MAP6: variants seen among roughly 807,000 people sequenced by gnomAD.
The protein encoded by MAP6 is microtubule associated protein 6.
In MAP6, 26 loss-of-function variants were observed where a neutral mutation model predicts 42.4. The observed-to-expected ratio is 0.61, with a 90% CI of 0.45 to 0.85. The LOEUF is 0.85. Among genes scored for constraint, MAP6 ranks in the 40% least tolerant of loss-of-function variants. The pLI is 0.00. For synonymous variants in MAP6, 418 were observed against 443.8 expected, an observed-to-expected ratio of 0.94 and a Z score of 0.73; for missense variants, 966 against 1,099.0, an observed-to-expected ratio of 0.88 and a Z score of 1.71.
intron 3 of MAP6, among the ~76,000 whole-genome samples, chr11:75,590,328 G>A (rs1942455226): frequency 6.6e-6 from 1 of 152,200 alleles, no homozygotes; most frequent in Non-Finnish European, 1.5e-5. Context: ...AAAAAAGGGA[G>A]CTTAACTCCA....
rs974661498 is a variant in MAP6, at chr11:75,606,154, A to T, written c.1120-150T>A. ...CACAGTGCATAAGGTGTTCCCAAGG[A>T]CATTAGGGCATTCGGCATCTCCCGT... is the stretch of plus-strand genomic sequence containing the variant. On this transcript the variant is annotated intron_variant, in intron 2 of 3. Transcript: ENST00000304771. The T allele has an allele frequency of 4.4e-6, 4 of 905,618 alleles. No homozygotes were observed. The African/African-American group carries it at 6.7e-5, about 15-fold the overall frequency. 56.1% of individuals were successfully genotyped at this position (905,618 alleles called of 1,614,324 possible). A position where few individuals can be genotyped will look rare whatever the true frequency, so the allele number is the denominator to read the frequency against.
At chr11:75,657,052 G>T (rs1311916475) in intron 1 of MAP6, among the ~76,000 whole-genome samples, 2 of 151,510 alleles carry the variant, frequency 1.3e-5, no homozygotes, top group Non-Finnish European at 2.9e-5. Context: ...AAATATACTT[G>T]TATCTGGGAT....
intron 1 of MAP6, among the ~76,000 whole-genome samples, chr11:75,649,302 G>C (rs1943610705): frequency 1.3e-5 from 2 of 152,102 alleles, no homozygotes; most frequent in South Asian, 4.1e-4. Flanking sequence ...CAAAGTGACA[G>C]AATGATACAC....
At chr11:75,653,006 A>T (rs896160323) in intron 1 of MAP6, among the ~76,000 whole-genome samples, 1 of 151,986 alleles carries the variant, frequency 6.6e-6, no homozygotes, top group Admixed American at 6.6e-5. Context: ...TCTCCCACCC[A>T]TATTACATCC....
rs185477805 is a variant in MAP6, at chr11:75,618,914, G to A, written c.906-10592C>T. Among the ~76,000 whole-genome samples, 473 of 152,338 alleles carry A rather than the reference G, an allele frequency of 3.1e-3. 1 individual carries two copies. The highest frequency in any genetic ancestry group is 0.011 in the African/African-American group (444 of 41,570). ...CCCTCGGCCACTGCCCGATTCGTGA[G>A]CCTTCTCTGTTTCTGGGGCCTCCCC... On this transcript the variant is annotated intron_variant, in intron 1 of 3. Transcript: ENST00000304771.
At chr11:75,600,276 T>C (rs1477165924) in intron 3 of MAP6, among the ~76,000 whole-genome samples, 2 of 152,184 alleles carry the variant, frequency 1.3e-5, no homozygotes, top group Non-Finnish European at 2.9e-5. Flanking sequence ...ACACTAATGC[T>C]CCAGGAGGTT....
At chr11:75,622,397 A>C (rs1458401509) in intron 1 of MAP6, among the ~76,000 whole-genome samples, 1 of 152,222 alleles carries the variant, frequency 6.6e-6, no homozygotes, top group African/African-American at 2.4e-5. Flanking sequence ...TGTATGAGCC[A>C]CTGCACTCAG....
At chr11:75,606,168 G>A (rs548001170) in intron 2 of MAP6, among the ~76,000 whole-genome samples, 164 bp from the exon 3 acceptor site, 2 of 152,288 alleles carry the variant, frequency 1.3e-5, no homozygotes, top group East Asian at 1.9e-4. Context: ...TAGGGCATTC[G>A]GCATCTCCCG....
Position 75,608,316 on chromosome 11 carries a change from T to C in MAP6, c.912A>G (p.Glu304=), listed in dbSNP as rs577458337. 40 of 1,613,984 alleles carry C rather than the reference T, an allele frequency of 2.5e-5. 2 individuals are homozygous for C. The South Asian group carries it at 4.0e-4, about 16-fold the overall frequency. The part of the protein sequence containing the change: ...ASAVSSSYRN[E]FRAWTDIKPV... The stretch of plus-strand genomic sequence containing the variant: ...GCTTGATGTCCGTCCATGCCCTGAA[T>C]TCATTCCTGTTAGTCAAAGAAAGCA... Residue 304 remains glutamate, a synonymous_variant, in exon 2 of 4, where the codon GAA becomes GAG. Coordinates refer to ENST00000304771, the MANE Select transcript of MAP6 (RefSeq NM_033063.2).
chr11:75,618,776 A>C (rs1275735293), intron 1 of MAP6, among the ~76,000 whole-genome samples: 1 of 151,580 alleles, frequency 6.6e-6, no homozygotes, highest in Non-Finnish European at 1.5e-5. Flanking sequence ...CCCTAAATTG[A>C]CCTCCTGTCG....
chr11:75,632,344 G>C (rs1943296979), intron 1 of MAP6, among the ~76,000 whole-genome samples: 1 of 152,104 alleles, frequency 6.6e-6, no homozygotes. Flanking sequence ...ATGTTATTCT[G>C]GGTCTTTCCA....
chr11:75,658,236 AAGAG>A (rs1368328101), intron 1 of MAP6, among the ~76,000 whole-genome samples: 1 of 152,216 alleles, frequency 6.6e-6, no homozygotes, highest in Non-Finnish European at 1.5e-5. Context: ...GATAATGCTA[AAGAG>A]TTTTATAATG....
In MAP6 at chr11:75,587,862, T is replaced by C; in HGVS notation, c.1639A>G (p.Lys547Glu). The C allele has an allele frequency of 6.2e-7, 1 of 1,613,978 alleles. No individual in the cohort carries two copies. The change falls in exon 4 of 4, where the codon AAA becomes GAA. Residue 547 changes from lysine to glutamate, a missense_variant. This residue lies in a region of MAP6 where 943 missense variants were observed against 1,049.9 expected (regional missense o/e 0.90). Transcript: ENST00000304771. Reference protein sequence around the residue: ...PKNQSPMVPAKVKDQGSVVPE... With the variant: ...PKNQSPMVPAEVKDQGSVVPE... ...ACCACAGAGCCTTGATCCTTAACTT[T>C]TGCTGGAACCATAGGACTTTGATTC...
At chr11:75,606,597 T>A (rs748071760) in intron 2 of MAP6, among the ~76,000 whole-genome samples, 76 of 152,052 alleles carry the variant, frequency 5.0e-4, no homozygotes, top group Middle Eastern at 3.4e-3. Flanking sequence ...GGGCGGTGGG[T>A]CGCTGCAGCA....
At position 75,663,120 on chromosome 11, in the gene MAP6, C is replaced by T. The variant is rs191896368; in HGVS notation, c.905+4345G>A. On this transcript the variant is annotated intron_variant, in intron 1 of 3. Coordinates refer to ENST00000304771, the MANE Select transcript of MAP6 (RefSeq NM_033063.2). ...GGGATTACAGGCGCACCCCACCACG[C>T]CCGGCTAATTTTTTGTATTTTTAGT... Among the ~76,000 whole-genome samples, 86 of 152,092 alleles carry T rather than the reference C, an allele frequency of 5.7e-4. No individual in the cohort carries two copies. In the East Asian group the frequency reaches 0.015, roughly 26 times the overall value.
At chr11:75,624,654 G>A (rs1943166387) in intron 1 of MAP6, among the ~76,000 whole-genome samples, 1 of 152,168 alleles carries the variant, frequency 6.6e-6, no homozygotes, top group Non-Finnish European at 1.5e-5. Context: ...TACCCGAGAT[G>A]CAACTTAAAT....
intron 1 of MAP6, among the ~76,000 whole-genome samples, chr11:75,616,319 A>AT (rs1490718594): frequency 2.0e-5 from 3 of 152,128 alleles, no homozygotes; most frequent in Non-Finnish European, 4.4e-5. Flanking sequence ...TCTTTATAAA[A>AT]TTTTTTTGAC....
At chr11:75,647,564 T>C (rs1370713701) in intron 1 of MAP6, among the ~76,000 whole-genome samples, 1 of 151,510 alleles carries the variant, frequency 6.6e-6, no homozygotes, top group Non-Finnish European at 1.5e-5. Context: ...CAAGTAGAAA[T>C]GATAACAGAA....
intron 3 of MAP6, chr11:75,604,117 TCA>T (rs1275980572): frequency 3.0e-6 from 3 of 985,712 alleles, no homozygotes; most frequent in Non-Finnish European, 3.6e-6. Context: ...TTCTCCTTCC[TCA>T]CAGTTTTAAA....
Sources: allele counts gnomAD v4.1 joint callset (sites outside exome capture counted in the v4.1 genomes callset), GRCh38; gene constraint gnomAD v4.1.1; regional missense constraint gnomAD v4.1.1; transcripts MANE v1.5; gene names NCBI Gene and HGNC (gene_info 2026-07-23, HGNC 2026-07-21).